The following CSNK1G3 variants were observed in gnomAD, a reference collection of about 807,000 sequenced individuals.
The protein encoded by CSNK1G3 is casein kinase 1 gamma 3, also known as casein kinase I isoform gamma-3.
A neutral mutation model predicts 64.3 loss-of-function variants in CSNK1G3; 23 were observed. The ratio of observed to expected loss-of-function variants is 0.36; its 90% confidence interval spans 0.26 to 0.51. The LOEUF is 0.51. Among genes scored for constraint, CSNK1G3 ranks in the 20% least tolerant of loss-of-function variants. The pLI, the probability that CSNK1G3 is intolerant of heterozygous loss-of-function variation, is 0.96. For missense variants in CSNK1G3, 357 were observed against 510.5 expected, an observed-to-expected ratio of 0.70 and a Z score of 2.90; for synonymous variants, 158 against 162.2, an observed-to-expected ratio of 0.97 and a Z score of 0.20.
chr5:123,529,292 A>G (rs1580916409), intron 1 of CSNK1G3, among the ~76,000 whole-genome samples: 1 of 152,344 alleles, frequency 6.6e-6, no homozygotes, highest in East Asian at 1.9e-4. Context: ...AGGCTGGCGG[A>G]ACATAACTCT....
At chr5:123,531,885 G>T (rs933565661) in intron 1 of CSNK1G3, among the ~76,000 whole-genome samples, 1 of 151,920 alleles carries the variant, frequency 6.6e-6, no homozygotes, top group East Asian at 1.9e-4. Flanking sequence ...TAAGCAGGGG[G>T]TATTTCTGTG....
chr5:123,607,042 T>C (rs971072957), intron 12 of CSNK1G3, among the ~76,000 whole-genome samples: 5 of 152,110 alleles, frequency 3.3e-5, no homozygotes, highest in African/African-American at 9.7e-5. Flanking sequence ...AGTTATTTAG[T>C]TGGGATGAGT....
At chr5:123,595,379 C>T (rs528439329) in intron 10 of CSNK1G3, among the ~76,000 whole-genome samples, 19 of 152,198 alleles carry the variant, frequency 1.2e-4, no homozygotes, top group African/African-American at 4.3e-4. Context: ...ATATTTAAGT[C>T]ATATAGCAGA....
chr5:123,612,674 T>C (rs1177508692), intron 12 of CSNK1G3, among the ~76,000 whole-genome samples: 4 of 151,892 alleles, frequency 2.6e-5, no homozygotes, highest in South Asian at 2.1e-4. Flanking sequence ...GACAGGGTTT[T>C]ACCATGTTGG....
chr5:123,604,820 G>T, exon 11 of CSNK1G3: 1 of 1,605,854 alleles, frequency 6.2e-7, no homozygotes, highest in Non-Finnish European at 8.5e-7. Context: ...AGAAGTGATG[G>T]ATGAAACCAA....
chr5:123,519,827 C>T (rs1001753318), intron 1 of CSNK1G3, among the ~76,000 whole-genome samples: 1 of 152,148 alleles, frequency 6.6e-6, no homozygotes, highest in African/African-American at 2.4e-5. Context: ...ATTAGTAGAA[C>T]TCTTATATCC....
At chr5:123,566,709 C>G (rs1260910049) in intron 4 of CSNK1G3, among the ~76,000 whole-genome samples, 1 of 152,010 alleles carries the variant, frequency 6.6e-6, no homozygotes, top group East Asian at 1.9e-4. Flanking sequence ...CAGACTTGTT[C>G]TGGGAAATAA....
At chr5:123,545,951 G>A in intron 2 of CSNK1G3, 110 bp downstream of exon 2, 1 of 953,034 alleles carries the variant, frequency 1.0e-6, no homozygotes, top group South Asian at 1.7e-5. Flanking sequence ...TAATGGTTGT[G>A]GTAATTTTAA....
chr5:123,594,003 T>G (rs1792936686), intron 10 of CSNK1G3, among the ~76,000 whole-genome samples: 1 of 152,042 alleles, frequency 6.6e-6, no homozygotes, highest in African/African-American at 2.4e-5. Flanking sequence ...CTAGGTAGTA[T>G]TATTGGAAGA....
intron 1 of CSNK1G3, among the ~76,000 whole-genome samples, chr5:123,513,597 T>G (rs1441291674): frequency 6.6e-6 from 1 of 152,176 alleles, no homozygotes; most frequent in Admixed American, 6.5e-5. Context: ...ATTAAGAAAA[T>G]AAGTCATTAT....
At chr5:123,585,168 T>C (rs1313078635) in intron 6 of CSNK1G3, among the ~76,000 whole-genome samples, 3 of 152,100 alleles carry the variant, frequency 2.0e-5, no homozygotes, top group Non-Finnish European at 4.4e-5. Context: ...TATACATAGA[T>C]GGCCGATTGA....
intron 6 of CSNK1G3, among the ~76,000 whole-genome samples, chr5:123,578,054 T>C (rs1789522694): frequency 6.6e-6 from 1 of 151,996 alleles, no homozygotes; most frequent in South Asian, 2.1e-4. Flanking sequence ...TTTTTAATGC[T>C]AAGTAATATT....
intron 12 of CSNK1G3, among the ~76,000 whole-genome samples, chr5:123,609,507 C>T (rs1193805111): frequency 1.3e-5 from 2 of 152,070 alleles, no homozygotes; most frequent in Non-Finnish European, 2.9e-5. Context: ...CTTTGATAGT[C>T]TCTAGAACTG....
chr5:123,597,067 A>G (rs1051333779), intron 10 of CSNK1G3, among the ~76,000 whole-genome samples: 1 of 152,178 alleles, frequency 6.6e-6, no homozygotes, highest in African/African-American at 2.4e-5. Context: ...TTATAATTGA[A>G]TACTATATTT....
At chr5:123,533,241 A>G (rs1450916890) in intron 1 of CSNK1G3, among the ~76,000 whole-genome samples, 1 of 151,860 alleles carries the variant, frequency 6.6e-6, no homozygotes, top group Non-Finnish European at 1.5e-5. Flanking sequence ...CCTATTTCCC[A>G]TTAACAGCTG....
At chr5:123,548,635 G>A (rs1369081966) in intron 2 of CSNK1G3, among the ~76,000 whole-genome samples, 1 of 152,036 alleles carries the variant, frequency 6.6e-6, no homozygotes. Flanking sequence ...GGGCATGCCT[G>A]TAGTTCCAGT....
At chr5:123,604,891 T>G in intron 11 of CSNK1G3, 61 bp downstream of exon 12, 1 of 1,258,222 alleles carries the variant, frequency 7.9e-7, no homozygotes, top group Non-Finnish European at 1.1e-6. Flanking sequence ...ATGCTTGAGA[T>G]TTATAGTTAC....
chr5:123,555,141 T>A (rs776720418), intron 3 of CSNK1G3, among the ~76,000 whole-genome samples: 9 of 152,214 alleles, frequency 5.9e-5, no homozygotes, highest in Non-Finnish European at 8.8e-5. Flanking sequence ...TTGTCTTTCT[T>A]TAAAGCACAA....
intron 1 of CSNK1G3, among the ~76,000 whole-genome samples, chr5:123,540,620 G>A (rs899740863): frequency 1.3e-5 from 2 of 151,384 alleles, no homozygotes; most frequent in Non-Finnish European, 2.9e-5. Flanking sequence ...TACAGCTGTC[G>A]ATTTCTAATT....
Sources: gnomAD v4.1 joint callset for allele counts (sites outside exome capture counted in the v4.1 genomes callset) on GRCh38, gnomAD v4.1.1 for gene constraint, MANE v1.5 for transcripts, NCBI Gene and HGNC (gene_info 2026-07-23, HGNC 2026-07-21) for gene names.